Variants in IKZF1 observed in about 807,000 individuals in gnomAD.
IKZF1 encodes DNA-binding protein Ikaros.
Under a neutral mutation model 51.7 loss-of-function variants are expected in IKZF1, and 10 were observed. That is an observed-to-expected ratio of 0.19 (90% CI 0.12 to 0.33). IKZF1 has a LOEUF of 0.33. Among genes scored for constraint, IKZF1 ranks in the 10% least tolerant of loss-of-function variants. The pLI, the probability that IKZF1 is intolerant of heterozygous loss-of-function variation, is 1.00. For synonymous variants in IKZF1, 280 were observed against 282.3 expected (o/e 0.99, Z 0.08); for missense variants, 484 against 707.5 (o/e 0.68, Z 3.58).
rs1818286520 is a variant in IKZF1, at chr7:50,402,408, C to T, written c.*1781C>T. The T allele has an allele frequency of 2.6e-5, 6 of 230,800 alleles. No individual in the cohort carries two copies. Among genetic ancestry groups the T allele is most frequent in the Non-Finnish European group, 5.1e-5 (6 of 116,546 alleles). 14.3% of individuals were successfully genotyped at this position (230,800 alleles called of 1,614,324 possible). A position where few individuals can be genotyped will look rare whatever the true frequency, so the allele number is the denominator to read the frequency against. ...GGATAATTAGCAGTATCCCTGGTGG[C>T]TACCCAATAGACGCCAGTAGCACCC... On this transcript the variant is annotated 3_prime_UTR_variant, in exon 8 of 8. Transcript: ENST00000331340.
At chr7:50,328,053 G>A in intron 3 of IKZF1, 1 of 307,790 alleles carries the variant, frequency 3.2e-6, no homozygotes, top group Non-Finnish European at 6.1e-6. Context: ...TGCACTTGCA[G>A]GAATATCAAA....
In IKZF1 at chr7:50,327,586, C is replaced by T. The variant is rs566608453; in HGVS notation, c.41-52C>T. The stretch of plus-strand genomic sequence containing the variant: ...CTCAAGCCAAAAGCCGGGGGAAGCC[C>T]AGGCACCTTGACCATGACCGCCCGA... On this transcript the variant is annotated intron_variant, in intron 2 of 7. Transcript: ENST00000331340. 13 of 1,534,488 alleles carry T rather than the reference C, an allele frequency of 8.5e-6. No homozygotes were observed. In the African/African-American group the frequency reaches 1.8e-4, roughly 21 times the overall value.
At position 50,391,790 on chromosome 7, in the gene IKZF1, G is replaced by C; in HGVS notation, c.777G>C (p.Glu259Asp). 5.0e-6 allele frequency: 8 copies of C among 1,613,996 alleles called. No homozygotes were observed. The highest frequency in any genetic ancestry group is 6.8e-6 in the Non-Finnish European group (8 of 1,179,894). The change falls in exon 7 of 8, where the codon GAG becomes GAC. Residue 259 changes from glutamate to aspartate, a missense_variant. This residue lies in a region of IKZF1 where 172 missense variants were observed against 192.7 expected (regional missense o/e 0.89). Coordinates refer to ENST00000331340, the MANE Select transcript of IKZF1 (RefSeq NM_006060.6). ...MAEDLCKIGS[E>D]RSLVLDRLAS... Reference sequence around the variant, plus strand: ...AAGACCTGTGCAAGATAGGATCAGAGAGATCTCTCGTGCTGGACAGACTAG... The same window carrying C: ...AAGACCTGTGCAAGATAGGATCAGACAGATCTCTCGTGCTGGACAGACTAG...
chr7:50,325,267 C>G (rs1794615472), intron 2 of IKZF1, among the ~76,000 whole-genome samples: 1 of 140,118 alleles, frequency 7.1e-6, no homozygotes, highest in Admixed American at 7.8e-5. Flanking sequence ...CCCCCAACCC[C>G]CCGCTGCCAC....
At chr7:50,342,647 CTT>C (rs1270027408) in intron 3 of IKZF1, among the ~76,000 whole-genome samples, 20 of 137,642 alleles carry the variant, frequency 1.5e-4, no homozygotes, top group African/African-American at 2.1e-4. Context: ...GAAGGAAAGG[CTT>C]TTTTTTTTTT....
At position 50,382,532 on chromosome 7, in the gene IKZF1, C is replaced by T. The variant is rs541144690; in HGVS notation, c.422-8C>T. On this transcript the variant is annotated splice_region_variant and splice_polypyrimidine_tract_variant and intron_variant, in intron 4 of 7. Transcript: ENST00000331340. ...TAGTTCTCACCAGCTCTCCTCTCTC[C>T]GTCCCAGGAGAACGGCCCTTCCAGT... is the stretch of plus-strand genomic sequence containing the variant. The T allele has an allele frequency of 8.1e-6, 13 of 1,610,274 alleles. No homozygotes were observed. The highest frequency in any genetic ancestry group is 4.5e-5 in the East Asian group (2 of 44,778).
intron 2 of IKZF1, among the ~76,000 whole-genome samples, chr7:50,325,527 C>T (rs995070366): frequency 9.2e-5 from 14 of 152,238 alleles, no homozygotes; most frequent in South Asian, 2.1e-4. Flanking sequence ...GTAATCCCAG[C>T]GCTTGGGAGG....
chr7:50,327,988 G>T, intron 3 of IKZF1: 2 of 497,954 alleles, frequency 4.0e-6, no homozygotes, highest in South Asian at 5.6e-5. Context: ...AAATGTCCAA[G>T]TTGAGGAGCA....
At chr7:50,328,862 A>C (rs879624866) in intron 3 of IKZF1, 2 of 152,210 alleles carry the variant, frequency 1.3e-5, no homozygotes, top group African/African-American at 2.4e-5. Context: ...TCACAAGGTC[A>C]GGAAATCGAG....
At chr7:50,346,834 CA>C (rs1302386155) in intron 3 of IKZF1, among the ~76,000 whole-genome samples, 1 of 152,172 alleles carries the variant, frequency 6.6e-6, no homozygotes, top group African/African-American at 2.4e-5. Flanking sequence ...CCATGCTTCC[CA>C]ACTTTATTTA....
At chr7:50,323,212 A>C (rs1793900606) in intron 2 of IKZF1, among the ~76,000 whole-genome samples, 1 of 152,182 alleles carries the variant, frequency 6.6e-6, no homozygotes, top group Non-Finnish European at 1.5e-5. Context: ...TATCATTTCC[A>C]ACCTGCAGGG....
At chr7:50,381,243 A>G (rs1302960866) in intron 4 of IKZF1, among the ~76,000 whole-genome samples, 1 of 152,244 alleles carries the variant, frequency 6.6e-6, no homozygotes, top group Non-Finnish European at 1.5e-5. Flanking sequence ...CTTCTTTACC[A>G]TAATCACATT....
chr7:50,396,700 G>A (rs1407187565), intron 7 of IKZF1, among the ~76,000 whole-genome samples: 2 of 151,760 alleles, frequency 1.3e-5, no homozygotes, highest in South Asian at 2.1e-4. Flanking sequence ...TTTTTTTCCT[G>A]TGAGAGCTAT....
In IKZF1 at chr7:50,404,996, G is replaced by T. The variant is rs1461034274; in HGVS notation, c.*4369G>T. On this transcript the variant is annotated 3_prime_UTR_variant, in exon 8 of 8. Transcript: ENST00000331340. ...TTTGAAATTGGGAATTAAAAATCAG[G>T]ACTGGGGACTGGGAGACCAAAAATT... 1 of 202,392 alleles carries T rather than the reference G, an allele frequency of 4.9e-6. No individual in the cohort carries two copies. The highest frequency in any genetic ancestry group is 2.3e-5 in the African/African-American group (1 of 43,540). The allele number at this position is 202,392 out of a possible 1,614,324, so 12.5% of individuals were successfully genotyped here.
At chr7:50,358,476 C>T (rs980403175) in intron 3 of IKZF1, among the ~76,000 whole-genome samples, 2 of 152,144 alleles carry the variant, frequency 1.3e-5, no homozygotes, top group African/African-American at 2.4e-5. Flanking sequence ...GGACCTGGCA[C>T]CTTTGCTCTG....
intron 3 of IKZF1, among the ~76,000 whole-genome samples, chr7:50,333,539 G>T (rs1045504335): frequency 6.6e-6 from 1 of 152,152 alleles, no homozygotes; most frequent in Admixed American, 6.5e-5. Context: ...CTTCTGAACC[G>T]ATAAACCCCA....
At chr7:50,333,204 C>A (rs1796800864) in intron 3 of IKZF1, among the ~76,000 whole-genome samples, 1 of 151,816 alleles carries the variant, frequency 6.6e-6, no homozygotes, top group Admixed American at 6.6e-5. Context: ...AATTTCTTTA[C>A]TCAGCCATGA....
chr7:50,340,888 G>C, intron 3 of IKZF1, among the ~76,000 whole-genome samples: 1 of 152,188 alleles, frequency 6.6e-6, no homozygotes, highest in Non-Finnish European at 1.5e-5. Flanking sequence ...CAATGGAGTT[G>C]TTTTTGTCAC....
intron 2 of IKZF1, among the ~76,000 whole-genome samples, chr7:50,321,265 G>A (rs529547003): frequency 6.6e-6 from 1 of 152,268 alleles, no homozygotes; most frequent in South Asian, 2.1e-4. Flanking sequence ...CGTTTACTTT[G>A]TTTCGTAAAC....
Sources: allele counts gnomAD v4.1 joint callset (sites outside exome capture counted in the v4.1 genomes callset), GRCh38; gene constraint gnomAD v4.1.1; regional missense constraint gnomAD v4.1.1; transcripts MANE v1.5; gene names NCBI Gene and HGNC (gene_info 2026-07-23, HGNC 2026-07-21).